TYW1B: variants seen among roughly 807,000 people sequenced by gnomAD.
The protein encoded by TYW1B is tRNA-yW synthesizing protein 1 homolog B.
Under a neutral mutation model 86.9 loss-of-function variants are expected in TYW1B, and 73 were observed. The observed-to-expected ratio is 0.84, with a 90% CI of 0.70 to 1.02. The LOEUF (loss-of-function observed/expected upper bound fraction) is 1.02. Among genes scored for constraint, TYW1B ranks in the 50% least tolerant of loss-of-function variants. TYW1B has a pLI of 0.00. For synonymous variants in TYW1B, 248 were observed against 292.8 expected (o/e 0.85, Z 1.56); for missense variants, 637 against 827.4 (o/e 0.77, Z 2.82).
chr7:72,803,173 A>G (rs1788432212), intron 5 of TYW1B, among the ~76,000 whole-genome samples: 1 of 152,132 alleles, frequency 6.6e-6, no homozygotes, highest in South Asian at 2.1e-4. Context: ...GGAGTTCAAG[A>G]CCAGCCTGGG....
chr7:72,660,087 C>T (rs193235479), intron 11 of TYW1B, among the ~76,000 whole-genome samples: 4 of 152,070 alleles, frequency 2.6e-5, no homozygotes, highest in East Asian at 1.9e-4. Flanking sequence ...AGAATCATGG[C>T]GACCAGGTGT....
chr7:72,617,983 A>C (rs1812118348), intron 12 of TYW1B, among the ~76,000 whole-genome samples: 1 of 152,100 alleles, frequency 6.6e-6, no homozygotes, highest in African/African-American at 2.4e-5. Flanking sequence ...TTATTTCTTG[A>C]AATAAATCTT....
intron 11 of TYW1B, among the ~76,000 whole-genome samples, chr7:72,645,427 C>T (rs1322296894): frequency 6.6e-6 from 1 of 152,140 alleles, no homozygotes; most frequent in African/African-American, 2.4e-5. Context: ...GCAGCAATTC[C>T]ACTTCCAAAT....
At chr7:72,657,966 G>A (rs190728101) in intron 11 of TYW1B, among the ~76,000 whole-genome samples, 7 of 152,266 alleles carry the variant, frequency 4.6e-5, no homozygotes, top group East Asian at 1.9e-4. Context: ...TCACAAAGTC[G>A]TTAAATGGGC....
intron 7 of TYW1B, among the ~76,000 whole-genome samples, chr7:72,758,025 C>T (rs1787622044): frequency 6.6e-6 from 1 of 152,162 alleles, no homozygotes; most frequent in South Asian, 2.1e-4. Flanking sequence ...CAAGACCAGC[C>T]TGGCCAACGT....
At chr7:72,598,561 G>C (rs1484548992) in intron 13 of TYW1B, among the ~76,000 whole-genome samples, 1 of 152,188 alleles carries the variant, frequency 6.6e-6, no homozygotes, top group Non-Finnish European at 1.5e-5. Context: ...GGTTTATGTA[G>C]AAGAAGTTTT....
rs552200814 is a variant in TYW1B at position 72,600,193 on chromosome 7, T to C, written c.1785+16479A>G. ...AGACACATAGATCAATGCAGTGGAA[T>C]AGAAAGGCCAGAAATAGATTCACAC... On this transcript the variant is annotated intron_variant, in intron 13 of 13. Coordinates refer to ENST00000620995, the MANE Select transcript of TYW1B (RefSeq NM_001145440.3). Among the ~76,000 whole-genome samples, 47 of 152,260 alleles carry C rather than the reference T, an allele frequency of 3.1e-4. No homozygotes were observed. The East Asian group carries it at 5.8e-3, about 19-fold the overall frequency.
chr7:72,579,281 T>C (rs1811095021), intron 13 of TYW1B, among the ~76,000 whole-genome samples: 1 of 152,164 alleles, frequency 6.6e-6, no homozygotes, highest in South Asian at 2.1e-4. Context: ...AAAACTCTGC[T>C]CTGCTTTAAA....
At position 72,667,048 on chromosome 7, in the gene TYW1B, A is replaced by AAAAAAAAAAG. The variant is rs60588106; in HGVS notation, c.1506+27638_1506+27639insCTTTTTTTTT. Among the ~76,000 whole-genome samples, 60 of 131,410 alleles carry AAAAAAAAAAG rather than the reference A, an allele frequency of 4.6e-4. 1 individual carries two copies. The highest frequency in any genetic ancestry group is 8.7e-4 in the African/African-American group (28 of 32,022). The allele number at this position is 131,410 out of a possible 152,430, so 86.2% of individuals were successfully genotyped here. ...CTCCGTCTCAAAAAAAAAAAAAAAA[A>AAAAAAAAAAG]AAAGAAACTAAAACAGGGTAAAATG... On this transcript the variant is annotated intron_variant, in intron 11 of 13. Coordinates refer to ENST00000620995, the MANE Select transcript of TYW1B (RefSeq NM_001145440.3).
chr7:72,619,009 C>T (rs1203635145), intron 12 of TYW1B, among the ~76,000 whole-genome samples: 3 of 152,178 alleles, frequency 2.0e-5, no homozygotes, highest in African/African-American at 7.2e-5. Flanking sequence ...CTAACTCCCC[C>T]TAAATTTGCA....
Position 72,748,218 on chromosome 7 carries a change from G to A in TYW1B, c.965-3617C>T, listed in dbSNP as rs568735439. On this transcript the variant is annotated intron_variant, in intron 7 of 13. Coordinates refer to ENST00000620995, the MANE Select transcript of TYW1B (RefSeq NM_001145440.3). Reference sequence around the variant, plus strand: ...TGGAAGGCAGAGCTTGCAGTGAGCCGAGATGGCGCCACTGCACTCCAGCCT... The same window carrying A: ...TGGAAGGCAGAGCTTGCAGTGAGCCAAGATGGCGCCACTGCACTCCAGCCT... 2.8e-3 allele frequency among the ~76,000 whole-genome samples: 412 copies of A among 149,742 alleles called. 1 individual carries two copies. The highest frequency in any genetic ancestry group is 8.9e-3 in the African/African-American group (369 of 41,334).
chr7:72,629,061 G>T (rs115324349), intron 11 of TYW1B, 64 bp from the exon 12 acceptor site: 4 of 1,488,086 alleles, frequency 2.7e-6, no homozygotes, highest in Admixed American at 2.3e-5. Context: ...AACCTAGAGG[G>T]TTTCTCAAGC....
At chr7:72,756,652 C>T (rs1199710657) in intron 7 of TYW1B, among the ~76,000 whole-genome samples, 3 of 152,088 alleles carry the variant, frequency 2.0e-5, no homozygotes, top group Non-Finnish European at 4.4e-5. Flanking sequence ...GGAGGTGCTT[C>T]GTCACCAGGA....
chr7:72,582,837 A>G (rs185035617), intron 13 of TYW1B, among the ~76,000 whole-genome samples: 4 of 152,352 alleles, frequency 2.6e-5, no homozygotes, highest in African/African-American at 9.6e-5. Flanking sequence ...ACAGAAATCT[A>G]GATGAAGAAA....
intron 7 of TYW1B, among the ~76,000 whole-genome samples, chr7:72,744,988 A>G (rs35815109): frequency 0.095 from 14,389 of 152,194 alleles, 1,192 homozygotes; most frequent in East Asian, 0.33. Flanking sequence ...CTGAGTAAAG[A>G]AGGATGGGTA....
chr7:72,828,144 G>C lies in TYW1B; in HGVS notation c.-69C>G. On this transcript the variant is annotated 5_prime_UTR_variant, in exon 1 of 14. Transcript: ENST00000620995. ...GCCCAAAGGTTCGCACTGGTACTGC[G>C]AGACGCACCGAGCTACCTCGCGGCG... 1.2e-6 allele frequency: 2 copies of C among 1,604,998 alleles called. No individual in the cohort carries two copies. The highest frequency in any genetic ancestry group is 1.7e-6 in the Non-Finnish European group (2 of 1,176,054).
chr7:72,620,124 C>T (rs1266416012), intron 12 of TYW1B, among the ~76,000 whole-genome samples: 1 of 152,112 alleles, frequency 6.6e-6, no homozygotes, highest in African/African-American at 2.4e-5. Flanking sequence ...AGGCTAGGCA[C>T]GGTGACTCAT....
chr7:72,591,883 G>A (rs1285556212), intron 13 of TYW1B, among the ~76,000 whole-genome samples: 4 of 151,934 alleles, frequency 2.6e-5, no homozygotes, highest in African/African-American at 4.8e-5. Context: ...GTGTGTAGTG[G>A]TGTGATCTCA....
intron 7 of TYW1B, among the ~76,000 whole-genome samples, chr7:72,758,658 T>G (rs1231562109): frequency 2.6e-5 from 4 of 152,136 alleles, no homozygotes; most frequent in Non-Finnish European, 5.9e-5. Flanking sequence ...GCCTCCTTCC[T>G]TTTAGTAGAG....
Sources: gnomAD v4.1 joint callset for allele counts (sites outside exome capture counted in the v4.1 genomes callset) on GRCh38, gnomAD v4.1.1 for gene constraint, MANE v1.5 for transcripts, NCBI Gene and HGNC (gene_info 2026-07-23, HGNC 2026-07-21) for gene names.